TEAD1: variants seen among roughly 807,000 people sequenced by gnomAD.
TEAD1 encodes transcriptional enhancer factor TEF-1.
TEAD1 carries 9 observed loss-of-function variants against 54.9 expected under a neutral mutation model. That is an observed-to-expected ratio of 0.16 (90% CI 0.10 to 0.29). The LOEUF is 0.29. TEAD1 is among the 10% of genes least tolerant of loss of function. TEAD1 has a pLI of 1.00. For synonymous variants in TEAD1, 200 were observed against 187.8 expected (o/e 1.07, Z -0.53); for missense variants, 387 against 535.9 (o/e 0.72, Z 2.74).
At chr11:12,879,579 G>A (rs867203034) in intron 5 of TEAD1, 129 bp from the exon 6 acceptor site, 5 of 1,083,002 alleles carry the variant, frequency 4.6e-6, no homozygotes, top group Non-Finnish European at 7.0e-6. Flanking sequence ...ATTTATCCAT[G>A]CATGTTTGCT....
At chr11:12,927,168 A>T (rs752984368) in intron 11 of TEAD1, among the ~76,000 whole-genome samples, 1 of 152,128 alleles carries the variant, frequency 6.6e-6, no homozygotes, top group Non-Finnish European at 1.5e-5. Flanking sequence ...TTTTATGGAG[A>T]AGGTGGTGTG....
chr11:12,725,623 T>C (rs1944296395), intron 2 of TEAD1, among the ~76,000 whole-genome samples: 1 of 151,728 alleles, frequency 6.6e-6, no homozygotes, highest in Non-Finnish European at 1.5e-5. Flanking sequence ...AAAAAAAAAA[T>C]TAAAAAATAT....
At chr11:12,706,569 G>T (rs1234245999) in intron 2 of TEAD1, among the ~76,000 whole-genome samples, 3 of 152,192 alleles carry the variant, frequency 2.0e-5, no homozygotes, top group Admixed American at 2.0e-4. Flanking sequence ...CTCTGACAGA[G>T]GGTGATTTCT....
chr11:12,742,359 A>G (rs1944665131), intron 2 of TEAD1, among the ~76,000 whole-genome samples: 2 of 152,350 alleles, frequency 1.3e-5, no homozygotes, highest in Admixed American at 6.5e-5. Context: ...TGAAATAATA[A>G]AAGTAAAGTT....
intron 11 of TEAD1, 79 bp downstream of exon 11, chr11:12,925,131 A>G: frequency 6.5e-7 from 1 of 1,549,080 alleles, no homozygotes; most frequent in Non-Finnish European, 8.8e-7. Flanking sequence ...TGGGGCAGAG[A>G]GTTGTATTTT....
intron 3 of TEAD1, chr11:12,851,107 A>G (rs1035359717): frequency 1.0e-6 from 1 of 980,914 alleles, no homozygotes; most frequent in East Asian, 1.1e-4. Context: ...TTCATTTATT[A>G]AAACCATTTA....
rs184737577 is a variant in TEAD1 at position 12,931,584 on chromosome 11, G to C, written c.1167+1258G>C. On this transcript the variant is annotated intron_variant, in intron 12 of 12. Coordinates refer to ENST00000527636, the MANE Select transcript of TEAD1 (RefSeq NM_021961.6). ...CTGTTTTTTTGTTTTGTTTTGTTTTGTTTTTGTTTTTTAGAAAGGCTGTTT... is the reference window on the plus strand; with the variant it reads ...CTGTTTTTTTGTTTTGTTTTGTTTTCTTTTTGTTTTTTAGAAAGGCTGTTT... Among the ~76,000 whole-genome samples, 15 of 151,998 alleles carry C rather than the reference G, an allele frequency of 9.9e-5. 1 individual carries two copies. The East Asian group carries it at 2.7e-3, about 27-fold the overall frequency.
chr11:12,728,087 C>A (rs1358881346), intron 2 of TEAD1, among the ~76,000 whole-genome samples: 1 of 152,058 alleles, frequency 6.6e-6, no homozygotes, highest in African/African-American at 2.4e-5. Context: ...GGGAATGAGA[C>A]AGAATGCAGT....
At chr11:12,819,610 G>A (rs945383068) in intron 3 of TEAD1, among the ~76,000 whole-genome samples, 3 of 151,888 alleles carry the variant, frequency 2.0e-5, no homozygotes, top group Non-Finnish European at 4.4e-5. Flanking sequence ...CACCAAGCCC[G>A]GCTAATTTTT....
intron 3 of TEAD1, among the ~76,000 whole-genome samples, chr11:12,809,652 G>T (rs1486417112): frequency 6.6e-6 from 1 of 152,176 alleles, no homozygotes; most frequent in African/African-American, 2.4e-5. Flanking sequence ...TTAGAGATAG[G>T]CATAAAATGA....
At position 12,939,362 on chromosome 11, in the gene TEAD1, C is replaced by T. The variant is rs12281349; in HGVS notation, c.*2140C>T. 9,959 of 152,398 alleles carry T rather than the reference C, an allele frequency of 0.065. 386 individuals are homozygous for T. Among genetic ancestry groups the T allele is most frequent in the Middle Eastern group, 0.1 (31 of 296 alleles). The allele number at this position is 152,398 out of a possible 1,614,324, so 9.4% of individuals were successfully genotyped here. On this transcript the variant is annotated 3_prime_UTR_variant, in exon 13 of 13. Transcript: ENST00000527636. ...CTTTCCTTAAGGGAAGCCCCATCCTCTCCCAGGACCAGGAGTTTATGACCA... is the reference window on the plus strand; with the variant it reads ...CTTTCCTTAAGGGAAGCCCCATCCTTTCCCAGGACCAGGAGTTTATGACCA...
chr11:12,809,129 T>A (rs545978537), intron 3 of TEAD1, among the ~76,000 whole-genome samples: 3 of 152,182 alleles, frequency 2.0e-5, no homozygotes, highest in African/African-American at 4.8e-5. Flanking sequence ...GAGTTAAGCC[T>A]TTCCCTGCAT....
intron 5 of TEAD1, among the ~76,000 whole-genome samples, chr11:12,869,076 C>T (rs184051096): frequency 2.0e-3 from 306 of 152,074 alleles, no homozygotes; most frequent in African/African-American, 6.9e-3. Context: ...TGGGGACATG[C>T]GGTGGGAGGT....
At chr11:12,863,991 C>T (rs917444862) in intron 4 of TEAD1, among the ~76,000 whole-genome samples, 6 of 151,526 alleles carry the variant, frequency 4.0e-5, no homozygotes, top group African/African-American at 7.3e-5. Context: ...TCACACATTT[C>T]GCTTTGTAAT....
intron 3 of TEAD1, among the ~76,000 whole-genome samples, chr11:12,822,221 C>T (rs750440640): frequency 1.3e-5 from 2 of 152,202 alleles, no homozygotes; most frequent in South Asian, 2.1e-4. Flanking sequence ...CTCGGCCTCC[C>T]GAAGTGTTGG....
intron 3 of TEAD1, among the ~76,000 whole-genome samples, chr11:12,860,743 A>T (rs1237703785): frequency 6.6e-6 from 1 of 152,140 alleles, no homozygotes; most frequent in Non-Finnish European, 1.5e-5. Flanking sequence ...GGGAGGAAGT[A>T]AGACAACAAA....
chr11:12,922,596 G>C (rs1360969954), intron 10 of TEAD1: 1 of 152,092 alleles, frequency 6.6e-6, no homozygotes, highest in Non-Finnish European at 1.5e-5. Flanking sequence ...GGTCTTAGTG[G>C]TTAGTGCCTG....
chr11:12,751,826 G>A (rs944208393), intron 2 of TEAD1, among the ~76,000 whole-genome samples: 1 of 152,272 alleles, frequency 6.6e-6, no homozygotes, highest in Non-Finnish European at 1.5e-5. Flanking sequence ...TGTGGACTTA[G>A]GAATGAAACC....
intron 3 of TEAD1, among the ~76,000 whole-genome samples, chr11:12,778,013 G>T (rs571349485): frequency 6.6e-6 from 1 of 152,272 alleles, no homozygotes. Context: ...ATGAATTTTT[G>T]CAATAATGAA....
Sources: allele counts gnomAD v4.1 joint callset (sites outside exome capture counted in the v4.1 genomes callset), GRCh38; gene constraint gnomAD v4.1.1; transcripts MANE v1.5; gene names NCBI Gene and HGNC (gene_info 2026-07-23, HGNC 2026-07-21).